Variants in ANK3 observed in about 807,000 individuals in gnomAD.
ANK3 encodes ankyrin-3.
A neutral mutation model predicts 370.9 loss-of-function variants in ANK3; 57 were observed. The observed-to-expected ratio is 0.15, with a 90% CI of 0.12 to 0.19. The LOEUF is 0.19. Ranked by LOEUF, ANK3 falls within the 10% of genes least tolerant of loss-of-function variation. The pLI, the probability that ANK3 is intolerant of heterozygous loss-of-function variation, is 1.00. For missense variants in ANK3, 4,439 were observed against 5,302.1 expected (o/e 0.84, Z 5.06); for synonymous variants, 1,929 against 1,946.3 (o/e 0.99, Z 0.23).
chr10:60,107,554 G>A (rs2092314424), intron 27 of ANK3, among the ~76,000 whole-genome samples: 2 of 152,136 alleles, frequency 1.3e-5, no homozygotes, highest in African/African-American at 4.8e-5. Context: ...AAATACCAAT[G>A]CATTTCAGCT....
intron 2 of ANK3, among the ~76,000 whole-genome samples, chr10:60,405,313 CAT>C: frequency 6.6e-6 from 1 of 152,216 alleles, no homozygotes; most frequent in East Asian, 1.9e-4. Context: ...GTGGTGTACT[CAT>C]ACAATTAATC....
intron 23 of ANK3, among the ~76,000 whole-genome samples, chr10:60,147,889 A>C (rs529047049): frequency 6.6e-6 from 1 of 152,216 alleles, no homozygotes; most frequent in South Asian, 2.1e-4. Context: ...GTATTTCTTT[A>C]TAGCAGTGTG....
intron 1 of ANK3, among the ~76,000 whole-genome samples, chr10:60,686,141 A>G (rs1017899355): frequency 6.6e-6 from 1 of 152,152 alleles, no homozygotes; most frequent in Non-Finnish European, 1.5e-5. Flanking sequence ...GGAGGTCACT[A>G]TTAGACATCA....
chr10:60,243,437 C>T (rs2097503615), intron 7 of ANK3, among the ~76,000 whole-genome samples: 1 of 152,164 alleles, frequency 6.6e-6, no homozygotes, highest in Non-Finnish European at 1.5e-5. Context: ...GACATGCATA[C>T]TCTTGTTCTC....
At chr10:60,710,632 T>C (rs986611886) in intron 1 of ANK3, among the ~76,000 whole-genome samples, 4 of 152,270 alleles carry the variant, frequency 2.6e-5, no homozygotes, top group Non-Finnish European at 5.9e-5. Context: ...AAACAAGCCA[T>C]ATATAAGAGG....
intron 2 of ANK3, among the ~76,000 whole-genome samples, chr10:60,437,693 A>G (rs927113413): frequency 1.3e-5 from 2 of 152,198 alleles, no homozygotes; most frequent in Admixed American, 1.3e-4. Flanking sequence ...CAGTGTGCAT[A>G]AGGGGGAGAG....
At position 60,073,849 on chromosome 10, in the gene ANK3, T is replaced by A. The variant is rs754509195; in HGVS notation, c.7032A>T (p.Glu2344Asp). The A allele has an allele frequency of 6.2e-7, 1 of 1,613,750 alleles. No homozygotes were observed. Among genetic ancestry groups the A allele is most frequent in the Non-Finnish European group, 8.5e-7 (1 of 1,180,002 alleles). Residue 2344 changes from glutamate (E) to aspartate (D), a missense_variant, in exon 37 of 44, where the codon GAA becomes GAT. This residue lies in a region of ANK3 where 1,601 missense variants were observed against 1,731.7 expected (regional missense o/e 0.92). Transcript: ENST00000280772. ...IEKGNQAEPTEVIIRETKKHP... is the reference protein window; with the variant it reads ...IEKGNQAEPTDVIIRETKKHP... ...GCTTTTTGGTTTCTCTAATAATGAC[T>A]TCAGTGGGCTCAGCTTGGTTACCTT...
At chr10:60,395,134 T>C (rs2063190277) in intron 2 of ANK3, among the ~76,000 whole-genome samples, 1 of 152,194 alleles carries the variant, frequency 6.6e-6, no homozygotes, top group Non-Finnish European at 1.5e-5. Context: ...GCAAATCTAC[T>C]TTTCTAACTT....
At chr10:60,630,722 A>T (rs1207784095) in intron 1 of ANK3, among the ~76,000 whole-genome samples, 2 of 152,152 alleles carry the variant, frequency 1.3e-5, no homozygotes, top group African/African-American at 2.4e-5. Context: ...AAAGAGGTTA[A>T]TATGTTGATA....
chr10:60,064,160 T>A lies in ANK3; in HGVS notation c.12448A>T (p.Thr4150Ser), dbSNP rs1249158964. The change falls in exon 39 of 44, where the codon ACA becomes TCA. Residue 4150 changes from threonine (T) to serine (S), a missense_variant. Physicochemically the swap from Thr to Ser is moderately conservative, Grantham distance 58 (BLOSUM62 1). Around this residue, in one of 13 missense-constraint regions of ANK3, gnomAD observed 99 missense variants for 150.7 expected, o/e 0.66. Coordinates refer to ENST00000280772, the MANE Select transcript of ANK3 (RefSeq NM_020987.5). The stretch of plus-strand genomic sequence containing the variant: ...AAATAATATAATTTCGGCATACTTG[T>A]GGCATTTTTTCCGTCTCTGGTAACC... ...KWVTRDGKNA[T>S]TDALTSVLTK... 6.4e-7 allele frequency: 1 copy of A among 1,555,956 alleles called. No homozygotes were observed. The highest frequency in any genetic ancestry group is 1.4e-5 in the African/African-American group (1 of 71,036).
At chr10:60,469,703 C>G (rs2065167186) in intron 2 of ANK3, among the ~76,000 whole-genome samples, 1 of 101,876 alleles carries the variant, frequency 9.8e-6, no homozygotes, top group Non-Finnish European at 2.0e-5. Context: ...ATATAGTGGT[C>G]CTATATGCCA....
intron 2 of ANK3, among the ~76,000 whole-genome samples, chr10:60,613,787 A>G (rs1237991080): frequency 6.6e-6 from 1 of 152,166 alleles, no homozygotes; most frequent in East Asian, 1.9e-4. Context: ...TAGGAAGACA[A>G]TTCAGACCGG....
At chr10:60,474,065 C>G (rs1038909160) in intron 2 of ANK3, among the ~76,000 whole-genome samples, 1 of 150,794 alleles carries the variant, frequency 6.6e-6, no homozygotes, top group Non-Finnish European at 1.5e-5. Context: ...CCCAGGAGTT[C>G]GAGGCTGCAG....
At chr10:60,682,859 G>A (rs2079214880) in intron 1 of ANK3, among the ~76,000 whole-genome samples, 1 of 152,184 alleles carries the variant, frequency 6.6e-6, no homozygotes, top group Non-Finnish European at 1.5e-5. Context: ...ACAGGTAAAT[G>A]TTTCCCTGAG....
rs5785442 is a variant in ANK3, at chr10:60,382,797, CTATATATATATATATA to C, written c.114+6612_114+6627del. On this transcript the variant is annotated intron_variant, in intron 1 of 43. Transcript: ENST00000280772. ...TTCGATATTTAACCTATACCTAAAT[CTATATATATATATATA>C]TATATATATATATGCCAATGCTTTT... Among the ~76,000 whole-genome samples the C allele has an allele frequency of 2.5e-4, 34 of 133,756 alleles. 1 individual carries two copies. Among genetic ancestry groups the C allele is most frequent in the African/African-American group, 8.8e-4 (32 of 36,452 alleles). 87.7% of individuals were successfully genotyped at this position (133,756 alleles called of 152,430 possible).
Position 60,616,749 on chromosome 10 carries a change from C to T in ANK3, c.58-1525G>A, listed in dbSNP as rs547985284. On this transcript the variant is annotated intron_variant, in intron 1 of 43. Transcript: ENST00000373827. ...AAAGGAACAAACTTTTTTCATGGCA[C>T]TTGCGTATCATGTGCCCACCAAAAG... Among the ~76,000 whole-genome samples the T allele has an allele frequency of 3.2e-4, 49 of 152,212 alleles. No homozygotes were observed. The South Asian group carries it at 9.1e-3, about 28-fold the overall frequency.
chr10:60,645,808 T>C (rs2078702990), intron 1 of ANK3, among the ~76,000 whole-genome samples: 1 of 152,154 alleles, frequency 6.6e-6, no homozygotes, highest in African/African-American at 2.4e-5. Flanking sequence ...TGATCTTATG[T>C]TCATAGCAGC....
intron 2 of ANK3, among the ~76,000 whole-genome samples, chr10:60,487,500 T>C (rs1381040677): frequency 1.3e-5 from 2 of 152,174 alleles, no homozygotes; most frequent in Admixed American, 1.3e-4. Flanking sequence ...AATAAATTAA[T>C]AAGCAGTGAT....
intron 2 of ANK3, among the ~76,000 whole-genome samples, chr10:60,540,211 G>A (rs953304348): frequency 6.6e-6 from 1 of 151,822 alleles, no homozygotes; most frequent in African/African-American, 2.4e-5. Context: ...TGATGGCCTT[G>A]GGTGGCTTGT....
Sources: allele counts gnomAD v4.1 joint callset (sites outside exome capture counted in the v4.1 genomes callset), GRCh38; gene constraint gnomAD v4.1.1; regional missense constraint gnomAD v4.1.1; transcripts MANE v1.5; gene names NCBI Gene and HGNC (gene_info 2026-07-23, HGNC 2026-07-21).